PTPN2: variants seen among roughly 807,000 people sequenced by gnomAD.
PTPN2 encodes tyrosine-protein phosphatase non-receptor type 2.
PTPN2 carries 19 observed loss-of-function variants against 57.3 expected under a neutral mutation model. The observed-to-expected ratio is 0.33, with a 90% confidence interval of 0.23 to 0.49. The LOEUF (loss-of-function observed/expected upper bound fraction) is 0.49, where lower values mean the gene tolerates loss of function less well. Among genes scored for constraint, PTPN2 ranks in the 20% least tolerant of loss-of-function variants. PTPN2 has a pLI of 0.99. For missense variants in PTPN2, 358 were observed against 501.1 expected (o/e 0.71, Z 2.73); for synonymous variants, 153 against 164.9 (o/e 0.93, Z 0.55).
At chr18:12,870,356 TATATATGTGTATATATACATATATATAC>T (rs1181828943) in intron 1 of PTPN2, among the ~76,000 whole-genome samples, 4,267 of 50,724 alleles carry the variant, frequency 0.084, 433 homozygotes, top group Middle Eastern at 0.2. Flanking sequence ...TATATGTGTA[TATATATGTGTATATATACATATATATAC>T]GTATATATGT....
At chr18:12,880,115 G>A (rs192047898) in intron 1 of PTPN2, among the ~76,000 whole-genome samples, 1 of 152,198 alleles carries the variant, frequency 6.6e-6, no homozygotes, top group African/African-American at 2.4e-5. Context: ...AAGAAGGCCT[G>A]CCAAGGAAGT....
chr18:12,806,015 G>T (rs2041636771), intron 7 of PTPN2, among the ~76,000 whole-genome samples: 1 of 152,126 alleles, frequency 6.6e-6, no homozygotes, highest in African/African-American at 2.4e-5. Flanking sequence ...ATTCAAATTG[G>T]AAAGGAGGAA....
chr18:12,874,236 CGTCCGGG>C (rs2044387082), intron 1 of PTPN2, among the ~76,000 whole-genome samples: 1 of 149,478 alleles, frequency 6.7e-6, no homozygotes, highest in Non-Finnish European at 1.5e-5. Flanking sequence ...CCAGCCGCCC[CGTCCGGG>C]AGGGAGGTGG....
At chr18:12,829,791 C>T (rs181159567) in intron 4 of PTPN2, among the ~76,000 whole-genome samples, 2 of 152,048 alleles carry the variant, frequency 1.3e-5, no homozygotes, top group East Asian at 3.9e-4. Flanking sequence ...CATTTGTAAC[C>T]CATAATGAAT....
chr18:12,823,944 G>A (rs562097605), intron 5 of PTPN2, among the ~76,000 whole-genome samples: 1 of 152,008 alleles, frequency 6.6e-6, no homozygotes, highest in Non-Finnish European at 1.5e-5. Flanking sequence ...TCTCAATAAG[G>A]ACTGTTTCAG....
chr18:12,821,030 A>C (rs1220673072), intron 5 of PTPN2, among the ~76,000 whole-genome samples: 2 of 152,202 alleles, frequency 1.3e-5, no homozygotes, highest in Non-Finnish European at 2.9e-5. Flanking sequence ...CAAGTTAATA[A>C]TCATCATAAA....
At chr18:12,810,522 T>C (rs1346260181) in intron 7 of PTPN2, among the ~76,000 whole-genome samples, 1 of 152,236 alleles carries the variant, frequency 6.6e-6, no homozygotes, top group African/African-American at 2.4e-5. Context: ...CACAGCTCAC[T>C]GTAGCCTCAA....
At chr18:12,860,725 G>C (rs1378109121) in intron 1 of PTPN2, among the ~76,000 whole-genome samples, 2 of 152,164 alleles carry the variant, frequency 1.3e-5, no homozygotes, top group Admixed American at 6.5e-5. Context: ...TTGCGCCACT[G>C]CAACAACCAG....
At position 12,816,434 on chromosome 18, in the gene PTPN2, G is replaced by A. The variant is rs559546664; in HGVS notation, c.705+722C>T. ...GGACTACTGAAGGAGTAGATGGCAT[G>A]GAAATCAAAGCAGACAGTATTATTG... On this transcript the variant is annotated intron_variant, in intron 6 of 8. Transcript: ENST00000309660. Among the ~76,000 whole-genome samples the A allele has an allele frequency of 7.9e-5, 12 of 152,270 alleles. No homozygotes were observed. In the South Asian group the frequency reaches 2.5e-3, roughly 32 times the overall value.
rs1471951411 is a variant in PTPN2 at position 12,870,285 on chromosome 18, A to ATGTGTG, written c.70-11032_70-11031insCACACA. 4.5e-5 allele frequency among the ~76,000 whole-genome samples: 3 copies of ATGTGTG among 66,392 alleles called. 1 individual carries two copies. Among genetic ancestry groups the ATGTGTG allele is most frequent in the African/African-American group, 2.9e-4 (3 of 10,190 alleles). 43.6% of individuals were successfully genotyped at this position (66,392 alleles called of 152,430 possible). On this transcript the variant is annotated intron_variant, in intron 1 of 8. Coordinates refer to ENST00000309660, the MANE Select transcript of PTPN2 (RefSeq NM_002828.4). ...TATATATATATATGTATATATATAC[A>ATGTGTG]TATACATATATATGTGTATATATAC...
At chr18:12,811,782 C>T (rs1003345054) in intron 7 of PTPN2, among the ~76,000 whole-genome samples, 6 of 152,200 alleles carry the variant, frequency 3.9e-5, no homozygotes, top group African/African-American at 1.4e-4. Context: ...TTACATTTCA[C>T]TAAACTATAA....
rs185818472 is a variant in PTPN2, at chr18:12,877,961, C to T, written c.69+6112G>A. Among the ~76,000 whole-genome samples, 4 of 152,044 alleles carry T rather than the reference C, an allele frequency of 2.6e-5. No homozygotes were observed. The East Asian group carries it at 7.7e-4, about 29-fold the overall frequency. ...AGGAGAATGGCGTGAACCTGGGAGG[C>T]AGAGCTTGCAGCGAGCCGAGATGAC... is the stretch of plus-strand genomic sequence containing the variant. On this transcript the variant is annotated intron_variant, in intron 1 of 8. Transcript: ENST00000309660.
At chr18:12,880,565 A>G (rs554323037) in intron 1 of PTPN2, 1 of 152,386 alleles carries the variant, frequency 6.6e-6, no homozygotes, top group South Asian at 2.1e-4. Context: ...GGTATCTGTT[A>G]ATCTAGCTGC....
intron 6 of PTPN2, among the ~76,000 whole-genome samples, chr18:12,814,867 T>G (rs1368237613): frequency 1.3e-5 from 2 of 151,474 alleles, no homozygotes; most frequent in Non-Finnish European, 2.9e-5. Context: ...CCAAATCACT[T>G]GAGGCCAGGA....
chr18:12,882,370 C>T (rs541213968), intron 1 of PTPN2, among the ~76,000 whole-genome samples: 1 of 152,274 alleles, frequency 6.6e-6, no homozygotes, highest in South Asian at 2.1e-4. Context: ...CATGTGAAAT[C>T]TCCAGTGGAT....
intron 2 of PTPN2, among the ~76,000 whole-genome samples, chr18:12,855,097 GA>G (rs2043538797): frequency 6.6e-6 from 1 of 152,200 alleles, no homozygotes; most frequent in East Asian, 1.9e-4. Flanking sequence ...GAAACCAGTG[GA>G]AAGTCTCTCA....
chr18:12,790,726 T>C (rs2040962074), downstream of PTPN2, among the ~76,000 whole-genome samples: 2 of 152,332 alleles, frequency 1.3e-5, no homozygotes, highest in South Asian at 4.1e-4. Flanking sequence ...TTTAAACCAA[T>C]ACACATTTTT....
chr18:12,872,601 T>C (rs760856412), intron 1 of PTPN2, among the ~76,000 whole-genome samples: 2 of 152,206 alleles, frequency 1.3e-5, no homozygotes, highest in African/African-American at 2.4e-5. Context: ...GAAATCAGTT[T>C]CTTGACCACA....
At chr18:12,792,085 T>C (rs1446994948), downstream of PTPN2, 1 of 398,942 alleles carries the variant, frequency 2.5e-6, no homozygotes. Flanking sequence ...TAAAAAAATG[T>C]CCCTCTTACC....
Sources: allele counts gnomAD v4.1 joint callset (sites outside exome capture counted in the v4.1 genomes callset), GRCh38; gene constraint gnomAD v4.1.1; transcripts MANE v1.5; gene names NCBI Gene and HGNC (gene_info 2026-07-23, HGNC 2026-07-21).